RASD2: variants seen among roughly 807,000 people sequenced by gnomAD.
RASD2 encodes the protein RASD family member 2, also known as GTP-binding protein Rhes.
A neutral mutation model predicts 15.8 loss-of-function variants in RASD2; 7 were observed. The ratio of observed to expected loss-of-function variants is 0.44; its 90% CI spans 0.25 to 0.83. RASD2 has a LOEUF of 0.83. Among genes scored for constraint, RASD2 ranks in the 40% least tolerant of loss-of-function variants. The pLI is 0.20. For synonymous variants in RASD2, 155 were observed against 153.6 expected, an observed-to-expected ratio of 1.01 and a Z score of -0.07; for missense variants, 274 against 382.8, an observed-to-expected ratio of 0.72 and a Z score of 2.37.
chr22:35,551,124 G>T lies in RASD2; in HGVS notation c.272-379G>T, dbSNP rs1194726354. ...GCAAACTAGGCATTGAGCAAGACAGGCAGGACCCCTGCTCTCATAGAAATG... is the reference window on the plus strand; with the variant it reads ...GCAAACTAGGCATTGAGCAAGACAGTCAGGACCCCTGCTCTCATAGAAATG... On this transcript the variant is annotated intron_variant, in intron 2 of 2. Coordinates refer to ENST00000216127, the MANE Select transcript of RASD2 (RefSeq NM_014310.4). This position sits in a 1 kb window ranked among gnomAD's most constrained non-coding sequence, Gnocchi z 4.9. Among the ~76,000 whole-genome samples, 2 of 152,230 alleles carry T rather than the reference G, an allele frequency of 1.3e-5. No homozygotes were observed. The highest frequency in any genetic ancestry group is 2.9e-5 in the Non-Finnish European group (2 of 68,046).
At chr22:35,543,284 G>A (rs1934399698) in intron 1 of RASD2, among the ~76,000 whole-genome samples, 1 of 152,196 alleles carries the variant, frequency 6.6e-6, no homozygotes, top group African/African-American at 2.4e-5. Flanking sequence ...AGTAGTCACA[G>A]TATGTGCATT....
At position 35,551,956 on chromosome 22, in the gene RASD2, G is replaced by A. The variant is rs771268177; in HGVS notation, c.725G>A (p.Ser242Asn). 4 of 1,605,018 alleles carry A rather than the reference G, an allele frequency of 2.5e-6. No individual in the cohort carries two copies. Among genetic ancestry groups the A allele is most frequent in the Non-Finnish European group, 3.4e-6 (4 of 1,179,990 alleles). ...TTCGCCCGCCGCCCCAGCGTCAACA[G>A]TGACCTCAAGTACATCAAGGCCAAG... ...SPFARRPSVNSDLKYIKAKVL... is the reference protein window; with the variant it reads ...SPFARRPSVNNDLKYIKAKVL... Residue 242 changes from serine to asparagine, a missense_variant, in exon 3 of 3, where the codon AGT becomes AAT. By Grantham distance (46) the Ser-to-Asn change is conservative. Transcript: ENST00000216127. The surrounding 1 kb of genome is among the most constrained non-coding windows in gnomAD (Gnocchi z 4.9).
chr22:35,535,884 C>T (rs1403150643), upstream of RASD2, among the ~76,000 whole-genome samples: 1 of 131,392 alleles, frequency 7.6e-6, no homozygotes, highest in Non-Finnish European at 1.6e-5. Context: ...TGAATTGGGG[C>T]TTGCTTGGAT....
Position 35,552,002 on chromosome 22 carries a change from C to T in RASD2, c.771C>T (p.Ala257=). 1 of 1,599,682 alleles carries T rather than the reference C, an allele frequency of 6.3e-7. No homozygotes were observed. The highest frequency in any genetic ancestry group is 8.5e-7 in the Non-Finnish European group (1 of 1,179,654). The change falls in exon 3 of 3, where the codon GCC becomes GCT. Residue 257 remains alanine (A), a synonymous_variant. Coordinates refer to ENST00000216127, the MANE Select transcript of RASD2 (RefSeq NM_014310.4). ...IKAKVLREGQ[A]RERDKCTIQ Reference sequence around the variant, plus strand: ...CCAAGGTCCTTCGGGAAGGCCAGGCCCGTGAGAGGGACAAGTGCACCATCC... The same window carrying T: ...CCAAGGTCCTTCGGGAAGGCCAGGCTCGTGAGAGGGACAAGTGCACCATCC...
intron 1 of RASD2, among the ~76,000 whole-genome samples, chr22:35,543,488 T>C (rs1257547082): frequency 6.6e-6 from 1 of 152,140 alleles, no homozygotes; most frequent in African/African-American, 2.4e-5. Flanking sequence ...CCTCGCTGTA[T>C]GAGGTCAGCC....
rs1022511204 is a variant in RASD2, at chr22:35,553,535, G to C, written c.*1503G>C. On this transcript the variant is annotated 3_prime_UTR_variant, in exon 3 of 3. Transcript: ENST00000216127. Reference sequence around the variant, plus strand: ...AGAGAGGGTAAGTAACTTCCTCCAGGTCACACAGCAAGTCTGTGGGTGGCA... The same window carrying C: ...AGAGAGGGTAAGTAACTTCCTCCAGCTCACACAGCAAGTCTGTGGGTGGCA... 1 of 152,246 alleles carries C rather than the reference G, an allele frequency of 6.6e-6. No homozygotes were observed. Among genetic ancestry groups the C allele is most frequent in the African/African-American group, 2.4e-5 (1 of 41,382 alleles). 9.4% of individuals were successfully genotyped at this position (152,246 alleles called of 1,614,324 possible).
intron 2 of RASD2, among the ~76,000 whole-genome samples, chr22:35,547,464 A>G (rs1224382399): frequency 6.6e-6 from 1 of 151,698 alleles, no homozygotes; most frequent in African/African-American, 2.4e-5. Flanking sequence ...GGTCTCCCAC[A>G]CCCCAGGCCT....
chr22:35,549,264 G>A (rs200262249), intron 2 of RASD2, among the ~76,000 whole-genome samples: 1 of 152,126 alleles, frequency 6.6e-6, no homozygotes, highest in Non-Finnish European at 1.5e-5. Flanking sequence ...GAGTATTTTT[G>A]TCTGTCTCTT....
rs538250715 is a variant in RASD2, at chr22:35,552,665, T to C, written c.*633T>C. 6.5e-6 allele frequency: 1 copy of C among 153,340 alleles called. No individual in the cohort carries two copies. Among genetic ancestry groups the C allele is most frequent in the East Asian group, 1.9e-4 (1 of 5,186 alleles). 9.5% of individuals were successfully genotyped at this position (153,340 alleles called of 1,614,324 possible). On this transcript the variant is annotated 3_prime_UTR_variant, in exon 3 of 3. Coordinates refer to ENST00000216127, the MANE Select transcript of RASD2 (RefSeq NM_014310.4). ...CACCACTTAGACCACGCCCACCTCCTGACCGCGTTCCTCAGCCTCCTCTCC... is the reference window on the plus strand; with the variant it reads ...CACCACTTAGACCACGCCCACCTCCCGACCGCGTTCCTCAGCCTCCTCTCC...
intron 2 of RASD2, 58 bp downstream of exon 2, chr22:35,547,138 T>C (rs549331146): frequency 2.3e-4 from 353 of 1,533,896 alleles, no homozygotes; most frequent in Non-Finnish European, 2.9e-4. Context: ...GTGCGGAGTG[T>C]GCTGGGCACT....
intron 1 of RASD2, among the ~76,000 whole-genome samples, chr22:35,545,705 CAT>C (rs1194808714): frequency 2.0e-5 from 3 of 152,022 alleles, no homozygotes; most frequent in African/African-American, 7.3e-5. Context: ...GACCCTGAAA[CAT>C]AAGGGGAAGA....
intron 2 of RASD2, among the ~76,000 whole-genome samples, chr22:35,550,450 A>G (rs1244865176): frequency 1.3e-5 from 2 of 151,032 alleles, no homozygotes; most frequent in Admixed American, 1.3e-4. Flanking sequence ...CAAAAAAAAA[A>G]AAAAAAAAAA....
At chr22:35,549,168 G>A (rs575092787) in intron 2 of RASD2, among the ~76,000 whole-genome samples, 3 of 152,354 alleles carry the variant, frequency 2.0e-5, no homozygotes, top group South Asian at 2.1e-4. Flanking sequence ...CCCCTGCCCC[G>A]GAGGTGGCCA....
chr22:35,546,857 C>G lies in RASD2; in HGVS notation c.48C>G (p.Ala16=). ...SSGNCTLSVP[A]KNSYRMVVLG... ...GGAACTGCACGCTCAGTGTGCCCGC[C>G]AAAAACTCATACCGCATGGTGGTGC... is the stretch of plus-strand genomic sequence containing the variant. Residue 16 remains alanine (A), a synonymous_variant, in exon 2 of 3, where the codon GCC becomes GCG. Coordinates refer to ENST00000216127, the MANE Select transcript of RASD2 (RefSeq NM_014310.4). The G allele has an allele frequency of 6.2e-7, 1 of 1,613,764 alleles. No individual in the cohort carries two copies. Among genetic ancestry groups the G allele is most frequent in the Middle Eastern group, 1.6e-4 (1 of 6,062 alleles).
At chr22:35,550,364 C>T (rs1425534566) in intron 2 of RASD2, among the ~76,000 whole-genome samples, 1 of 149,496 alleles carries the variant, frequency 6.7e-6, no homozygotes, top group Admixed American at 6.8e-5. Context: ...TCGCTTAAAC[C>T]CAGGAGGTGG....
At chr22:35,549,718 C>A (rs545796991) in intron 2 of RASD2, among the ~76,000 whole-genome samples, 10 of 152,304 alleles carry the variant, frequency 6.6e-5, no homozygotes, top group Admixed American at 4.6e-4. Flanking sequence ...GGTGATGGAA[C>A]CCTTCTCTGT....
At chr22:35,536,576 C>T (rs748996159), upstream of RASD2, among the ~76,000 whole-genome samples, 9 of 152,194 alleles carry the variant, frequency 5.9e-5, no homozygotes, top group East Asian at 1.9e-4. Context: ...CTGCCTGCCT[C>T]GGCCTCCCAA....
intron 2 of RASD2, among the ~76,000 whole-genome samples, chr22:35,547,750 G>A (rs1934548205): frequency 1.3e-5 from 2 of 152,278 alleles, no homozygotes; most frequent in South Asian, 4.2e-4. Context: ...AAGTAGCTGG[G>A]ACTACAGGCA....
chr22:35,550,979 A>T (rs566506971), intron 2 of RASD2, among the ~76,000 whole-genome samples: 1 of 152,264 alleles, frequency 6.6e-6, no homozygotes, highest in African/African-American at 2.4e-5. Flanking sequence ...ATCTTGCATA[A>T]CTCCCAAAAT....
Sources: gnomAD v4.1 joint callset for allele counts (sites outside exome capture counted in the v4.1 genomes callset) on GRCh38, gnomAD v4.1.1 for gene constraint, Gnocchi (gnomAD v3.1) non-coding constraint, MANE v1.5 for transcripts, NCBI Gene and HGNC (gene_info 2026-07-23, HGNC 2026-07-21) for gene names.